Variants in CLEC12A observed in about 807,000 individuals in gnomAD.
CLEC12A encodes the protein C-type lectin protein CLL-1.
In CLEC12A, 22 loss-of-function variants were observed where a neutral mutation model predicts 26.5. That is an observed-to-expected ratio of 0.83 (90% CI 0.59 to 1.19). CLEC12A has a LOEUF of 1.19. CLEC12A is among the 50% of genes most tolerant of loss of function. CLEC12A has a pLI of 0.00. For synonymous variants in CLEC12A, 119 were observed against 101.9 expected, an observed-to-expected ratio of 1.17 and a Z score of -1.01; for missense variants, 353 against 315.6, an observed-to-expected ratio of 1.12 and a Z score of -0.90.
intron 1 of CLEC12A, among the ~76,000 whole-genome samples, chr12:9,976,712 G>A (rs1157713560): frequency 1.3e-5 from 2 of 152,116 alleles, no homozygotes; most frequent in African/African-American, 2.4e-5. Flanking sequence ...AGAGGTCAGG[G>A]TGGAATGATA....
At chr12:9,966,144 G>T (rs1267339831) in intron 1 of CLEC12A, among the ~76,000 whole-genome samples, 1 of 152,290 alleles carries the variant, frequency 6.6e-6, no homozygotes, top group Non-Finnish European at 1.5e-5. Flanking sequence ...AGGTTTAGAA[G>T]CCTGGCCATC....
At chr12:9,982,310 A>G (rs1334543421) in intron 5 of CLEC12A, among the ~76,000 whole-genome samples, 181 bp downstream of exon 5, 1 of 152,142 alleles carries the variant, frequency 6.6e-6, no homozygotes, top group African/African-American at 2.4e-5. Flanking sequence ...ATGCCTTCTC[A>G]TAATTTTGAC....
At chr12:9,956,154 A>G (rs1307172296) in intron 1 of CLEC12A, among the ~76,000 whole-genome samples, 1 of 152,224 alleles carries the variant, frequency 6.6e-6, no homozygotes, top group African/African-American at 2.4e-5. Flanking sequence ...TCATCCAATC[A>G]ATATTTTAAG....
rs1241370597 is a variant in CLEC12A at position 9,979,376 on chromosome 12, A to G, written c.231A>G (p.Lys77=). The change falls in exon 3 of 6, where the codon AAA becomes AAG. Residue 77 remains lysine (K), a synonymous_variant. Coordinates refer to ENST00000304361, the MANE Select transcript of CLEC12A (RefSeq NM_138337.6). The stretch of plus-strand genomic sequence containing the variant: ...AGATAGAAATGAAAAAAATGAACAA[A>G]CTACAAAACATCAGTGAAGAGCTCC... The part of the protein sequence containing the change: ...TLKIEMKKMN[K]LQNISEELQR... The G allele has an allele frequency of 1.9e-6, 3 of 1,605,044 alleles. No individual in the cohort carries two copies. Among genetic ancestry groups the G allele is most frequent in the African/African-American group, 1.3e-5 (1 of 74,574 alleles).
chr12:9,982,055 T>C lies in CLEC12A; in HGVS notation c.567T>C (p.Tyr189=). 7.5e-6 allele frequency: 12 copies of C among 1,596,488 alleles called. No individual in the cohort carries two copies. Among genetic ancestry groups the C allele is most frequent in the Non-Finnish European group, 9.4e-6 (11 of 1,164,906 alleles). Residue 189 remains tyrosine (Y), a synonymous_variant, in exon 5 of 6, where the codon TAT becomes TAC. Transcript: ENST00000304361. ...AATCCCAGAGTAGATCATATGACTA[T>C]TGGCTGGGATTATCTCCTGAAGAAG... is the stretch of plus-strand genomic sequence containing the variant. ...FIKSQSRSYD[Y]WLGLSPEEDS...
chr12:9,965,933 A>G (rs1252077826), intron 1 of CLEC12A, among the ~76,000 whole-genome samples: 1 of 152,044 alleles, frequency 6.6e-6, no homozygotes, highest in Non-Finnish European at 1.5e-5. Context: ...GGGGAGATAC[A>G]AGGGGAGGAT....
At chr12:9,966,875 C>A (rs35276236), upstream of CLEC12A, among the ~76,000 whole-genome samples, 1 of 88,034 alleles carries the variant, frequency 1.1e-5, no homozygotes, top group Non-Finnish European at 2.4e-5. Context: ...TGCTGCCAAA[C>A]GAGCCATGAA....
chr12:9,982,530 A>G (rs528420169), intron 5 of CLEC12A, among the ~76,000 whole-genome samples: 1 of 152,268 alleles, frequency 6.6e-6, no homozygotes, highest in South Asian at 2.1e-4. Flanking sequence ...GAATTATGCT[A>G]GAGATAAAGA....
At chr12:9,976,965 T>C (rs539821587) in intron 1 of CLEC12A, among the ~76,000 whole-genome samples, 1 of 152,264 alleles carries the variant, frequency 6.6e-6, no homozygotes, top group Admixed American at 6.5e-5. Context: ...CCTTCCACCA[T>C]GATTGTGAGG....
At chr12:9,951,530 T>A (rs1011198447) in intron 1 of CLEC12A, 1 of 607,830 alleles carries the variant, frequency 1.6e-6, no homozygotes, top group African/African-American at 1.8e-5. Context: ...TGTGTCTGGA[T>A]AAGTGAGTGT....
chr12:9,961,233 A>G (rs1454800699), intron 1 of CLEC12A, among the ~76,000 whole-genome samples: 1 of 152,248 alleles, frequency 6.6e-6, no homozygotes, highest in Non-Finnish European at 1.5e-5. Context: ...AGACTTAAGT[A>G]TTAATGCCTG....
At chr12:9,956,542 A>G (rs1208313613) in intron 1 of CLEC12A, among the ~76,000 whole-genome samples, 2 of 152,228 alleles carry the variant, frequency 1.3e-5, no homozygotes, top group Non-Finnish European at 2.9e-5. Flanking sequence ...TCATACAGGT[A>G]TCTGCAAGCA....
Position 9,979,037 on chromosome 12 carries a change from A to G in CLEC12A, c.163A>G (p.Ile55Val). ...FLTLLCLLLL[I>V]GLGVLASMFH... Reference sequence around the variant, plus strand: ...GACTCTTCTGTGCCTTCTGTTGCTCATTGGATTGGGAGTCTTGGCAAGCAT... The same window carrying G: ...GACTCTTCTGTGCCTTCTGTTGCTCGTTGGATTGGGAGTCTTGGCAAGCAT... Residue 55 changes from isoleucine to valine, a missense_variant, in exon 2 of 6, where the codon ATT becomes GTT. Ile to Val is a conservative substitution (Grantham distance 29). Transcript: ENST00000304361. 2 of 1,613,834 alleles carry G rather than the reference A, an allele frequency of 1.2e-6. No homozygotes were observed. Among genetic ancestry groups the G allele is most frequent in the Non-Finnish European group, 1.7e-6 (2 of 1,179,798 alleles).
chr12:9,975,409 G>A (rs576666110), intron 1 of CLEC12A, among the ~76,000 whole-genome samples: 68 of 152,286 alleles, frequency 4.5e-4, no homozygotes, highest in Non-Finnish European at 8.4e-4. Flanking sequence ...GGGAACGGGA[G>A]CAAAGGTGAC....
chr12:9,953,440 C>T (rs1389915582), intron 1 of CLEC12A: 7 of 115,990 alleles, frequency 6.0e-5, no homozygotes, highest in African/African-American at 1.7e-4. Flanking sequence ...CCAGCCGCCC[C>T]GTCCGGGAGG....
At chr12:9,953,519 C>T (rs545529724) in intron 1 of CLEC12A, among the ~76,000 whole-genome samples, 11 of 151,048 alleles carry the variant, frequency 7.3e-5, no homozygotes, top group African/African-American at 2.0e-4. Flanking sequence ...CGCCTCTGCC[C>T]GGCCGCCCCC....
At chr12:9,988,949 A>T (rs888551753), downstream of CLEC12A, among the ~76,000 whole-genome samples, 1 of 152,172 alleles carries the variant, frequency 6.6e-6, no homozygotes, top group Non-Finnish European at 1.5e-5. Flanking sequence ...AATAGCAAAG[A>T]CTTGGAACCA....
chr12:9,997,321 C>G (rs776694737), downstream of CLEC12A: 26 of 1,558,698 alleles, frequency 1.7e-5, no homozygotes, highest in Non-Finnish European at 2.3e-5. Flanking sequence ...TAATTAGAAC[C>G]ATAGAAATGA....
At chr12:9,982,233 C>T (rs1162358236) in intron 5 of CLEC12A, 104 bp downstream of exon 5, 2 of 652,858 alleles carry the variant, frequency 3.1e-6, no homozygotes, top group East Asian at 3.0e-5. Flanking sequence ...ATTGAAATTG[C>T]ATGCTAAAAG....
Sources: gnomAD v4.1 joint callset for allele counts (sites outside exome capture counted in the v4.1 genomes callset) on GRCh38, gnomAD v4.1.1 for gene constraint, MANE v1.5 for transcripts, NCBI Gene and HGNC (gene_info 2026-07-23, HGNC 2026-07-21) for gene names.